FER1L6: variants seen among roughly 807,000 people sequenced by gnomAD.
FER1L6 encodes fer-1 like family member 6, also known as fer-1-like protein 6.
In FER1L6, 177 loss-of-function variants were observed where a neutral mutation model predicts 219.2. That is an observed-to-expected ratio of 0.81 (90% CI 0.71 to 0.91). The LOEUF is 0.91. Ranked by LOEUF, FER1L6 falls within the 40% of genes least tolerant of loss-of-function variation. The pLI is 0.00. For synonymous variants in FER1L6, 768 were observed against 824.3 expected, an observed-to-expected ratio of 0.93 and a Z score of 1.17; for missense variants, 2,153 against 2,259.9, an observed-to-expected ratio of 0.95 and a Z score of 0.96.
At chr8:123,935,291 T>C (rs944277893) in intron 1 of FER1L6, among the ~76,000 whole-genome samples, 7 of 152,212 alleles carry the variant, frequency 4.6e-5, no homozygotes, top group Non-Finnish European at 1.0e-4. Flanking sequence ...TGCCTCATAT[T>C]TTGCCACAGG....
intron 9 of FER1L6, among the ~76,000 whole-genome samples, chr8:123,976,779 T>C (rs1816092344): frequency 6.6e-6 from 1 of 152,178 alleles, no homozygotes; most frequent in Admixed American, 6.5e-5. Flanking sequence ...TCCTGACCTG[T>C]TCCACAATCT....
rs762032151 is a variant in FER1L6 at position 124,060,256 on chromosome 8, A to G, written c.2951A>G (p.Asn984Ser). ...ACCCAGATCTACCCGGTTCCTGCCAACATTCGGCCGGTGCTGAGCAAATAC... is the reference window on the plus strand; with the variant it reads ...ACCCAGATCTACCCGGTTCCTGCCAGCATTCGGCCGGTGCTGAGCAAATAC... ...DITQIYPVPA[N>S]IRPVLSKYRV... The change falls in exon 23 of 41, where the codon AAC becomes AGC. Residue 984 changes from asparagine to serine, a missense_variant. Physicochemically the swap from Asn to Ser is conservative, Grantham distance 46. Transcript: ENST00000522917. The G allele has an allele frequency of 6.2e-7, 1 of 1,614,152 alleles. No individual in the cohort carries two copies. The highest frequency in any genetic ancestry group is 8.5e-7 in the Non-Finnish European group (1 of 1,180,018).
rs78136541 is a variant in FER1L6, at chr8:123,999,822, A to G, written c.1520-3345A>G. 2.6e-5 allele frequency among the ~76,000 whole-genome samples: 4 copies of G among 152,142 alleles called. No homozygotes were observed. The East Asian group carries it at 7.7e-4, about 29-fold the overall frequency. On this transcript the variant is annotated intron_variant, in intron 12 of 40. Transcript: ENST00000522917. ...TCTCCTCTCTCCCCTCCTCAAGCAG[A>G]GGGAAGGAGTCCCTCCTAGAGCTAT...
intron 1 of FER1L6, among the ~76,000 whole-genome samples, chr8:123,924,008 A>C (rs1813465867): frequency 6.6e-6 from 1 of 150,942 alleles, no homozygotes; most frequent in Admixed American, 6.6e-5. Context: ...TAATCCCAGC[A>C]CTTTGGGAGG....
intron 1 of FER1L6, among the ~76,000 whole-genome samples, chr8:123,950,045 A>G (rs1156510507): frequency 6.6e-6 from 1 of 152,116 alleles, no homozygotes; most frequent in African/African-American, 2.4e-5. Context: ...GAGAGTGGAG[A>G]GCAGGGCTTT....
In FER1L6 at chr8:123,855,901, A is replaced by G. The variant is rs193085665; in HGVS notation, c.-8+3716A>G. On this transcript the variant is annotated intron_variant, in intron 1 of 40. Transcript: ENST00000522917. ...ATGTATATAACTAATGTATATTATTACTAATTATATTAGTATATTGTATAT... is the reference window on the plus strand; with the variant it reads ...ATGTATATAACTAATGTATATTATTGCTAATTATATTAGTATATTGTATAT... 5.9e-3 allele frequency among the ~76,000 whole-genome samples: 870 copies of G among 147,420 alleles called. 18 individuals are homozygous for G. The highest frequency in any genetic ancestry group is 9.2e-3 in the Non-Finnish European group (617 of 67,118).
intron 38 of FER1L6, 103 bp from the exon 39 acceptor site, chr8:124,103,043 G>A (rs1822610798): frequency 9.4e-6 from 10 of 1,060,950 alleles, no homozygotes; most frequent in Non-Finnish European, 1.4e-5. Flanking sequence ...GATTGAATGA[G>A]TAGGAAGTGA....
intron 1 of FER1L6, among the ~76,000 whole-genome samples, chr8:123,950,148 G>A (rs1021951776): frequency 3.3e-5 from 5 of 152,140 alleles, no homozygotes; most frequent in East Asian, 1.9e-4. Flanking sequence ...CGGTGGGGGC[G>A]TCTAGTAGTC....
At position 124,076,165 on chromosome 8, in the gene FER1L6, T is replaced by C. The variant is rs765091173; in HGVS notation, c.4093-33T>C. 7.4e-6 allele frequency: 12 copies of C among 1,612,480 alleles called. No individual in the cohort carries two copies. The African/African-American group carries it at 1.6e-4, about 22-fold the overall frequency. ...AGTGTACAACCAATGTTGAGAGCTA[T>C]TGAACCAAAGACATTTTCTTTTTCC... On this transcript the variant is annotated intron_variant, in intron 31 of 40. Transcript: ENST00000522917.
chr8:124,066,489 C>A lies in FER1L6; in HGVS notation c.3617C>A (p.Ser1206Tyr). ...KRRKRTIADESAENVIDWWSK... is the reference protein window; with the variant it reads ...KRRKRTIADEYAENVIDWWSK... ...AGAAAGAGGACCATAGCAGATGAAT[C>A]TGCTGAAAACGTGATTGACTGGTGG... The change falls in exon 27 of 41, where the codon TCT becomes TAT. Residue 1206 changes from serine to tyrosine, a missense_variant. Transcript: ENST00000522917. The A allele has an allele frequency of 6.2e-7, 1 of 1,614,094 alleles. No individual in the cohort carries two copies. Among genetic ancestry groups the A allele is most frequent in the Non-Finnish European group, 8.5e-7 (1 of 1,179,946 alleles).
At chr8:124,025,602 G>A (rs749143172) in intron 18 of FER1L6, among the ~76,000 whole-genome samples, 1 of 152,118 alleles carries the variant, frequency 6.6e-6, no homozygotes, top group East Asian at 1.9e-4. Context: ...TTGAAGTCAG[G>A]TAATGTGATG....
intron 1 of FER1L6, among the ~76,000 whole-genome samples, chr8:123,919,533 G>T (rs1218628769): frequency 6.6e-6 from 1 of 152,230 alleles, no homozygotes; most frequent in Admixed American, 6.5e-5. Context: ...GCAATGGCTG[G>T]AGGAGCCACC....
chr8:124,115,425 G>A (rs1167477661), intron 39 of FER1L6, among the ~76,000 whole-genome samples: 2 of 151,984 alleles, frequency 1.3e-5, no homozygotes, highest in Non-Finnish European at 2.9e-5. Flanking sequence ...GATGCATTGC[G>A]ACCGTTCTAG....
chr8:124,010,245 A>T (rs980576316), intron 13 of FER1L6, among the ~76,000 whole-genome samples: 1 of 152,244 alleles, frequency 6.6e-6, no homozygotes, highest in African/African-American at 2.4e-5. Flanking sequence ...GTGGAGCTGC[A>T]GACCGAGGCA....
Position 123,977,500 on chromosome 8 carries a change from T to G in FER1L6, c.954T>G (p.Cys318Trp). ...VIFKEMFPPL[C>W]RRVKIQVWDE... is the part of the protein sequence containing the mutation. ...TCAAGGAAATGTTCCCTCCCTTGTG[T>G]CGGAGGGTGAAAATCCAGGTGTGGG... is the stretch of plus-strand genomic sequence containing the variant. The change falls in exon 10 of 41, where the codon TGT (cysteine) becomes TGG (tryptophan). Residue 318 changes from cysteine to tryptophan, a missense_variant. By Grantham distance (215) the Cys-to-Trp change is radical. Transcript: ENST00000522917. 1 of 1,614,010 alleles carries G rather than the reference T, an allele frequency of 6.2e-7. No individual in the cohort carries two copies. Among genetic ancestry groups the G allele is most frequent in the Non-Finnish European group, 8.5e-7 (1 of 1,179,954 alleles).
Position 123,975,967 on chromosome 8 carries a change from A to T in FER1L6, c.753A>T (p.Lys251Asn). 1 of 1,614,072 alleles carries T rather than the reference A, an allele frequency of 6.2e-7. No individual in the cohort carries two copies. Among genetic ancestry groups the T allele is most frequent in the Non-Finnish European group, 8.5e-7 (1 of 1,179,974 alleles). Reference sequence around the variant, plus strand: ...CCAGATTCTATGTGAGACTCTACAAAGCAGAAGGGTTGCCCAAAATGAATT... The same window carrying T: ...CCAGATTCTATGTGAGACTCTACAATGCAGAAGGGTTGCCCAAAATGAATT... ...PWARFYVRLY[K>N]AEGLPKMNSS... Residue 251 changes from lysine (K) to asparagine (N), a missense_variant, in exon 9 of 41, where the codon AAA becomes AAT. Lys to Asn is a moderately conservative substitution (Grantham distance 94, BLOSUM62 0). Coordinates refer to ENST00000522917, the MANE Select transcript of FER1L6 (RefSeq NM_001039112.2).
intron 10 of FER1L6, among the ~76,000 whole-genome samples, chr8:123,980,123 T>A (rs1250433817): frequency 6.6e-6 from 1 of 152,186 alleles, no homozygotes; most frequent in African/African-American, 2.4e-5. Flanking sequence ...CCTGCTTTGT[T>A]CTCCAGCAGG....
intron 1 of FER1L6, among the ~76,000 whole-genome samples, chr8:123,925,551 C>T (rs1413747955): frequency 1.3e-5 from 2 of 152,104 alleles, no homozygotes. Flanking sequence ...TGAAAATTGG[C>T]AATTCTGTGA....
intron 12 of FER1L6, among the ~76,000 whole-genome samples, chr8:123,990,510 C>A (rs114031136): frequency 0.027 from 4,105 of 152,034 alleles, 109 homozygotes; most frequent in African/African-American, 0.071. Flanking sequence ...TGTTTATTGG[C>A]CATTTGTATT....
Sources: allele counts gnomAD v4.1 joint callset (sites outside exome capture counted in the v4.1 genomes callset), GRCh38; gene constraint gnomAD v4.1.1; transcripts MANE v1.5; gene names NCBI Gene and HGNC (gene_info 2026-07-23, HGNC 2026-07-21).